The following RYR2 variants were observed in gnomAD, a reference collection of about 807,000 sequenced individuals.
RYR2 encodes the protein cardiac muscle ryanodine receptor-calcium release channel.
Under a neutral mutation model 601.1 loss-of-function variants are expected in RYR2, and 227 were observed. That is an observed-to-expected ratio of 0.38 (90% CI 0.34 to 0.42). The LOEUF is 0.42. Ranked by LOEUF, RYR2 falls within the 10% of genes least tolerant of loss-of-function variation. The pLI is 1.00. For missense variants in RYR2, 4,646 were observed against 6,156.5 expected (o/e 0.75, Z 8.21); for synonymous variants, 2,223 against 2,175.1 (o/e 1.02, Z -0.61).
intron 25 of RYR2, among the ~76,000 whole-genome samples, chr1:237,545,388 T>C (rs1338700586): frequency 6.6e-6 from 1 of 152,218 alleles, no homozygotes; most frequent in African/African-American, 2.4e-5. Context: ...AAAATTGGTT[T>C]CCAGAAAGTA....
At chr1:237,100,216 G>C in intron 1 of RYR2, among the ~76,000 whole-genome samples, 1 of 152,178 alleles carries the variant, frequency 6.6e-6, no homozygotes, top group East Asian at 1.9e-4. Flanking sequence ...AGAAATAGAT[G>C]AGGTGAAAGA....
intron 4 of RYR2, 98 bp downstream of exon 4, chr1:237,356,083 CTA>C: frequency 1.9e-6 from 2 of 1,064,338 alleles, no homozygotes; most frequent in Non-Finnish European, 2.8e-6. Context: ...GTGGCTTGTA[CTA>C]TTAGTGTTCA....
rs551140501 is a variant in RYR2, at chr1:237,436,454, C to CTTTTTTTTTTTTTTTTTTTTTTTTTTTT, written c.1006-4841_1006-4840insTTTTTTTTTTTTTTTTTTTTTTTTTTTT. 1.6e-3 allele frequency among the ~76,000 whole-genome samples: 79 copies of CTTTTTTTTTTTTTTTTTTTTTTTTTTTT among 48,724 alleles called. 12 individuals carry two copies. Among genetic ancestry groups the CTTTTTTTTTTTTTTTTTTTTTTTTTTTT allele is most frequent in the South Asian group, 2.3e-3 (3 of 1,328 alleles). The allele number at this position is 48,724 out of a possible 152,430, so 32.0% of individuals were successfully genotyped here. ...AGCCGAGGGATAATGTGTGATTTTC[C>CTTTTTTTTTTTTTTTTTTTTTTTTTTTT]TTTTTTTTTTTTTTTTTTTTTTTTG... On this transcript the variant is annotated intron_variant, in intron 12 of 104. Transcript: ENST00000366574.
In RYR2 at chr1:237,191,179, C is replaced by T. The variant is rs190140324; in HGVS notation, c.49-79318C>T. Reference sequence around the variant, plus strand: ...TTTTGTTGAAGAGACTGTCCTTTCCCCATTTTGTAGTCTTGGTACCCTTGT... The same window carrying T: ...TTTTGTTGAAGAGACTGTCCTTTCCTCATTTTGTAGTCTTGGTACCCTTGT... On this transcript the variant is annotated intron_variant, in intron 1 of 104. Coordinates refer to ENST00000366574, the MANE Select transcript of RYR2 (RefSeq NM_001035.3). 2.1e-3 allele frequency among the ~76,000 whole-genome samples: 324 copies of T among 152,190 alleles called. 1 individual carries two copies. Among genetic ancestry groups the T allele is most frequent in the African/African-American group, 7.5e-3 (311 of 41,522 alleles).
intron 67 of RYR2, among the ~76,000 whole-genome samples, chr1:237,705,704 AC>A (rs1688312467): frequency 6.6e-6 from 1 of 152,160 alleles, no homozygotes; most frequent in South Asian, 2.1e-4. Context: ...TGGGTGACTG[AC>A]TGGATAATGT....
chr1:237,506,474 C>T (rs2150513813), intron 22 of RYR2, among the ~76,000 whole-genome samples: 1 of 151,402 alleles, frequency 6.6e-6, no homozygotes, highest in Non-Finnish European at 1.5e-5. Flanking sequence ...AGAGGCGGAG[C>T]TTGCAGTGAG....
chr1:237,397,391 C>T (rs549431688), intron 10 of RYR2, among the ~76,000 whole-genome samples: 13 of 152,142 alleles, frequency 8.5e-5, no homozygotes, highest in African/African-American at 2.9e-4. Context: ...TAAATGGTCC[C>T]GAGGCCGTTA....
At chr1:237,276,990 C>T (rs12033653) in intron 2 of RYR2, among the ~76,000 whole-genome samples, 1 of 151,888 alleles carries the variant, frequency 6.6e-6, no homozygotes. Context: ...ATTTATAGAT[C>T]GATTTCAGTT....
At chr1:237,804,047 AAG>A (rs1484526214) in intron 98 of RYR2, among the ~76,000 whole-genome samples, 1 of 152,160 alleles carries the variant, frequency 6.6e-6, no homozygotes, top group African/African-American at 2.4e-5. Context: ...TAAAATAAAA[AAG>A]AGACCATGTG....
chr1:237,596,369 C>T (rs1270685063), intron 34 of RYR2, among the ~76,000 whole-genome samples: 4 of 152,088 alleles, frequency 2.6e-5, no homozygotes, highest in Non-Finnish European at 4.4e-5. Context: ...AAGAACTAAA[C>T]AGAAATCTTG....
intron 98 of RYR2, among the ~76,000 whole-genome samples, chr1:237,803,501 C>G (rs538680895): frequency 6.6e-6 from 1 of 152,052 alleles, no homozygotes; most frequent in Non-Finnish European, 1.5e-5. Flanking sequence ...GGGGTTTCAC[C>G]ATGTTAGCCA....
Position 237,091,239 on chromosome 1 carries a change from C to T in RYR2, c.48+48670C>T, listed in dbSNP as rs115507299. ...GAAACACAATTGGCAGCTCTTACAG[C>T]GTGAACTTCACCATCAAGCAGGTTG... is the stretch of plus-strand genomic sequence containing the variant. On this transcript the variant is annotated intron_variant, in intron 1 of 104. Coordinates refer to ENST00000366574, the MANE Select transcript of RYR2 (RefSeq NM_001035.3). Among the ~76,000 whole-genome samples the T allele has an allele frequency of 5.4e-3, 829 of 152,238 alleles. 10 individuals carry two copies. Among genetic ancestry groups the T allele is most frequent in the African/African-American group, 0.018 (755 of 41,532 alleles).
chr1:237,611,945 AAT>A (rs1452842264), intron 36 of RYR2, among the ~76,000 whole-genome samples: 2 of 152,182 alleles, frequency 1.3e-5, no homozygotes, highest in African/African-American at 2.4e-5. Flanking sequence ...GAGAAATTAA[AAT>A]ATGTCCACAC....
chr1:237,722,704 A>G (rs989761791), intron 73 of RYR2, among the ~76,000 whole-genome samples: 1 of 152,204 alleles, frequency 6.6e-6, no homozygotes, highest in Non-Finnish European at 1.5e-5. Flanking sequence ...AAGTGCTGGG[A>G]TTACAGGCGT....
At chr1:237,151,891 G>T (rs1674741612) in intron 1 of RYR2, among the ~76,000 whole-genome samples, 1 of 152,088 alleles carries the variant, frequency 6.6e-6, no homozygotes, top group Non-Finnish European at 1.5e-5. Flanking sequence ...TGCAGAATGT[G>T]CAGGTTTGTT....
At chr1:237,438,828 A>G (rs1026300135) in intron 12 of RYR2, among the ~76,000 whole-genome samples, 4 of 152,358 alleles carry the variant, frequency 2.6e-5, no homozygotes, top group East Asian at 1.9e-4. Flanking sequence ...TGAGAGATCT[A>G]CTTTTCAATT....
At chr1:237,544,187 C>T (rs1034507741) in intron 25 of RYR2, among the ~76,000 whole-genome samples, 1 of 151,998 alleles carries the variant, frequency 6.6e-6, no homozygotes, top group Non-Finnish European at 1.5e-5. Context: ...GTAAAGTGAG[C>T]ATATTAAATC....
chr1:237,332,463 C>A (rs1696842365), intron 3 of RYR2, among the ~76,000 whole-genome samples: 1 of 152,052 alleles, frequency 6.6e-6, no homozygotes, highest in Non-Finnish European at 1.5e-5. Flanking sequence ...AATTTCTATT[C>A]TTTCATGTAA....
Position 237,071,952 on chromosome 1 carries a change from C to T in RYR2, c.48+29383C>T, listed in dbSNP as rs192783208. 1.5e-3 allele frequency among the ~76,000 whole-genome samples: 228 copies of T among 152,352 alleles called. 4 individuals carry two copies. Among genetic ancestry groups the T allele is most frequent in the Middle Eastern group, 6.8e-3 (2 of 294 alleles). ...CAGCTGGCCAGGTCGCGATAGCGCC[C>T]GGGCTCGGCTTCTACTTTACTCTGA... is the stretch of plus-strand genomic sequence containing the variant. On this transcript the variant is annotated intron_variant, in intron 1 of 104. Transcript: ENST00000366574.
Sources: gnomAD v4.1 joint callset for allele counts (sites outside exome capture counted in the v4.1 genomes callset) on GRCh38, gnomAD v4.1.1 for gene constraint, MANE v1.5 for transcripts, NCBI Gene and HGNC (gene_info 2026-07-23, HGNC 2026-07-21) for gene names.